Variants in PARL observed in about 807,000 individuals in gnomAD.
PARL encodes presenilin-associated rhomboid-like protein, mitochondrial.
Under a neutral mutation model 51.6 loss-of-function variants are expected in PARL, and 44 were observed. The observed-to-expected ratio is 0.85, with a 90% CI of 0.67 to 1.10. The LOEUF is 1.10. PARL is among the 50% of genes least tolerant of loss of function. PARL has a pLI of 0.00. For missense variants in PARL, 441 were observed against 469.5 expected (o/e 0.94, Z 0.56); for synonymous variants, 172 against 164.0 (o/e 1.05, Z -0.37).
At chr3:183,849,785 C>T (rs1436260141) in intron 4 of PARL, among the ~76,000 whole-genome samples, 1 of 152,058 alleles carries the variant, frequency 6.6e-6, no homozygotes, top group Non-Finnish European at 1.5e-5. Context: ...TCATCTCATA[C>T]AGGTCTGAGA....
chr3:183,839,731 TA>T (rs1273849311), intron 7 of PARL, among the ~76,000 whole-genome samples: 1 of 145,944 alleles, frequency 6.9e-6, no homozygotes, highest in African/African-American at 2.6e-5. Context: ...AAAACACACT[TA>T]AAAAAAAATT....
In PARL at chr3:183,884,827, G is replaced by A. The variant is rs755462745; in HGVS notation, c.20C>T (p.Ala7Val). The A allele has an allele frequency of 6.2e-5, 99 of 1,596,734 alleles. No individual in the cohort carries two copies. In the Admixed American group the frequency reaches 1.2e-3, roughly 19 times the overall value. The change falls in exon 1 of 10, where the codon GCG (alanine) becomes GTG (valine). Residue 7 changes from alanine to valine, a missense_variant. Transcript: ENST00000317096. MAWRGW[A>V]QRGWGCGQAW... Reference sequence around the variant, plus strand: ...CTGGCCGCAGCCCCAGCCTCTCTGCGCCCAGCCTCGCCACGCCATCTTCCC... The same window carrying A: ...CTGGCCGCAGCCCCAGCCTCTCTGCACCCAGCCTCGCCACGCCATCTTCCC...
intron 9 of PARL, 79 bp from the exon 10 acceptor site, chr3:183,829,788 T>C (rs564608935): frequency 1.5e-5 from 17 of 1,171,308 alleles, no homozygotes; most frequent in Admixed American, 3.4e-5. Flanking sequence ...AGATCCCAAG[T>C]TGACATTTTT....
At chr3:183,840,674 G>A in intron 6 of PARL, 34 bp from the exon 7 acceptor site, 2 of 1,070,322 alleles carry the variant, frequency 1.9e-6, no homozygotes, top group Non-Finnish European at 2.8e-6. Flanking sequence ...TAATTTAAGT[G>A]AGGTATAAAA....
At position 183,829,521 on chromosome 3, in the gene PARL, A is replaced by G. The variant is rs1437717324; in HGVS notation, c.*77T>C. 3.7e-6 allele frequency: 6 copies of G among 1,613,728 alleles called. No homozygotes were observed. The Admixed American group carries it at 1.0e-4, about 27-fold the overall frequency. ...GCATCTTCCAGACGGGAGCATAGCC[A>G]TGGTCACTCTAGCCGATGTCTCCTG... is the stretch of plus-strand genomic sequence containing the variant. On this transcript the variant is annotated 3_prime_UTR_variant, in exon 10 of 10. Coordinates refer to ENST00000317096, the MANE Select transcript of PARL (RefSeq NM_018622.7).
intron 1 of PARL, among the ~76,000 whole-genome samples, chr3:183,870,041 G>C (rs1050528466): frequency 9.3e-5 from 14 of 151,254 alleles, no homozygotes; most frequent in African/African-American, 3.2e-4. Context: ...ACTTTGGGAG[G>C]CTGAGGCAGG....
At chr3:183,844,364 A>G (rs1172383524) in intron 4 of PARL, 38 bp from the exon 5 acceptor site, 7 of 1,303,392 alleles carry the variant, frequency 5.4e-6, no homozygotes, top group Non-Finnish European at 6.7e-6. Flanking sequence ...GAGGTTAAAA[A>G]TGAAAGCAGG....
intron 1 of PARL, among the ~76,000 whole-genome samples, chr3:183,872,616 C>G (rs1360335048): frequency 6.6e-6 from 1 of 152,156 alleles, no homozygotes; most frequent in Non-Finnish European, 1.5e-5. Flanking sequence ...AATCCCAAAT[C>G]TATTTCCAAC....
chr3:183,872,221 C>T (rs1314517574), intron 1 of PARL, among the ~76,000 whole-genome samples: 1 of 152,052 alleles, frequency 6.6e-6, no homozygotes, highest in Non-Finnish European at 1.5e-5. Flanking sequence ...AGGCTGGTCG[C>T]GAACTCCTGA....
intron 4 of PARL, among the ~76,000 whole-genome samples, chr3:183,847,280 C>T (rs997432660): frequency 6.6e-6 from 1 of 152,112 alleles, no homozygotes; most frequent in African/African-American, 2.4e-5. Flanking sequence ...TTGAACGGGC[C>T]GGGTGTGGTG....
rs114666823 is a variant in PARL, at chr3:183,833,347, C to T, written c.1028+145G>A. On this transcript the variant is annotated intron_variant, in intron 9 of 9. Transcript: ENST00000317096. ...CCAAAGCAAGCCACGTTGAGGTTTC[C>T]TCACCCTCCCAAGCCCACCTGCTTC... 2.2e-4 allele frequency: 156 copies of T among 700,642 alleles called. No homozygotes were observed. The Middle Eastern group carries it at 2.3e-3, about 10-fold the overall frequency. The allele number at this position is 700,642 out of a possible 1,614,324, so 43.4% of individuals were successfully genotyped here.
At chr3:183,852,986 T>G (rs1276275194) in intron 4 of PARL, among the ~76,000 whole-genome samples, 1 of 152,052 alleles carries the variant, frequency 6.6e-6, no homozygotes, top group African/African-American at 2.4e-5. Flanking sequence ...TAACTCAAAA[T>G]GGATTAAAGA....
chr3:183,855,180 G>A (rs1042550356), intron 4 of PARL, among the ~76,000 whole-genome samples: 2 of 152,128 alleles, frequency 1.3e-5, no homozygotes, highest in South Asian at 2.1e-4. Context: ...GACTGCTAAC[G>A]GGAATGGGGT....
chr3:183,866,565 A>G (rs1732499375), intron 3 of PARL, 60 bp downstream of exon 3: 2 of 1,366,276 alleles, frequency 1.5e-6, no homozygotes, highest in South Asian at 2.3e-5. Context: ...TGCATCTATT[A>G]AGTATCAGTT....
At chr3:183,850,240 T>C (rs1577323708) in intron 4 of PARL, among the ~76,000 whole-genome samples, 1 of 152,218 alleles carries the variant, frequency 6.6e-6, no homozygotes, top group African/African-American at 2.4e-5. Context: ...AGGGCCATGC[T>C]TCCTTTTGAA....
intron 7 of PARL, among the ~76,000 whole-genome samples, chr3:183,840,253 T>A (rs1347235815): frequency 1.3e-5 from 2 of 152,332 alleles, no homozygotes; most frequent in South Asian, 2.1e-4. Flanking sequence ...AATCTTCCAA[T>A]ACTGGATTAG....
In PARL at chr3:183,855,971, C is replaced by CAA. The variant is rs576215027; in HGVS notation, c.511+6780_511+6781dup. Among the ~76,000 whole-genome samples, 194 of 145,012 alleles carry CAA rather than the reference C, an allele frequency of 1.3e-3. 1 individual carries two copies. Among genetic ancestry groups the CAA allele is most frequent in the Middle Eastern group, 7.1e-3 (2 of 282 alleles). On this transcript the variant is annotated intron_variant, in intron 4 of 9. Coordinates refer to ENST00000317096, the MANE Select transcript of PARL (RefSeq NM_018622.7). ...ACTCTGTCTCAAAAAAATAAACAAA[C>CAA]AAAAAAAAAAACAAAAAAAACCCCA...
intron 4 of PARL, among the ~76,000 whole-genome samples, chr3:183,852,217 GCATTA>G (rs1359586386): frequency 6.6e-6 from 1 of 152,168 alleles, no homozygotes; most frequent in Non-Finnish European, 1.5e-5. Context: ...GTACATCACA[GCATTA>G]GTCACAATAA....
chr3:183,847,090 G>A (rs1730043874), intron 4 of PARL, among the ~76,000 whole-genome samples: 1 of 152,244 alleles, frequency 6.6e-6, no homozygotes, highest in African/African-American at 2.4e-5. Flanking sequence ...ATGAGCATGA[G>A]AGGATGTGTG....
Sources: gnomAD v4.1 joint callset for allele counts (sites outside exome capture counted in the v4.1 genomes callset) on GRCh38, gnomAD v4.1.1 for gene constraint, MANE v1.5 for transcripts, NCBI Gene and HGNC (gene_info 2026-07-23, HGNC 2026-07-21) for gene names.